Variants in HOOK3 observed in about 807,000 individuals in gnomAD.
HOOK3 encodes hook microtubule tethering protein 3.
Under a neutral mutation model 116.3 loss-of-function variants are expected in HOOK3, and 24 were observed. The ratio of observed to expected loss-of-function variants is 0.21; its 90% CI spans 0.15 to 0.29. The LOEUF is 0.29. Among genes scored for constraint, HOOK3 ranks in the 10% least tolerant of loss-of-function variants. The pLI is 1.00. For synonymous variants in HOOK3, 275 were observed against 283.0 expected (o/e 0.97, Z 0.28); for missense variants, 632 against 830.2 (o/e 0.76, Z 2.93).
At position 43,005,839 on chromosome 8, in the gene HOOK3, GC is replaced by G. The variant is rs544869436; in HGVS notation, c.1656-1999del. On this transcript the variant is annotated intron_variant, in intron 17 of 21. Transcript: ENST00000307602. Reference sequence around the variant, plus strand: ...GCCTCCCAAGTAGCTGGGATTACAGGCCCCCCCCCACCACACCCAGCTCATT... The same window carrying G: ...GCCTCCCAAGTAGCTGGGATTACAGGCCCCCCCCACCACACCCAGCTCATT... Among the ~76,000 whole-genome samples the G allele has an allele frequency of 2.9e-4, 42 of 147,152 alleles. 1 individual carries two copies. Among genetic ancestry groups the G allele is most frequent in the Admixed American group, 1.8e-3 (26 of 14,568 alleles).
At chr8:43,010,218 TGTG>T (rs1196445194) in intron 18 of HOOK3, 84 bp from the exon 19 acceptor site, 1 of 242,958 alleles carries the variant, frequency 4.1e-6, no homozygotes, top group Non-Finnish European at 7.6e-6. Flanking sequence ...TTTTTAAAAT[TGTG>T]GTAATCTAAA....
At chr8:42,898,800 CG>C (rs1332417594) in intron 1 of HOOK3, among the ~76,000 whole-genome samples, 1 of 152,094 alleles carries the variant, frequency 6.6e-6, no homozygotes, top group Non-Finnish European at 1.5e-5. Flanking sequence ...TTGAAAATAC[CG>C]TAAGTTGAAA....
In HOOK3 at chr8:43,026,574, A is replaced by G. The variant is rs1809936800; in HGVS notation, c.*8076A>G. ...CAAACGCAAACACCCTTGAAACTTG[A>G]TGCTTTCTGAAGTTGTATTCATAAA... On this transcript the variant is annotated 3_prime_UTR_variant, in exon 22 of 22. Coordinates refer to ENST00000307602, the MANE Select transcript of HOOK3 (RefSeq NM_032410.4). 4.6e-6 allele frequency: 1 copy of G among 216,630 alleles called. No individual in the cohort carries two copies. The highest frequency in any genetic ancestry group is 9.3e-6 in the Non-Finnish European group (1 of 107,656). The allele number at this position is 216,630 out of a possible 1,614,324, so 13.4% of individuals were successfully genotyped here.
chr8:42,904,177 G>T (rs1374210731), intron 1 of HOOK3, among the ~76,000 whole-genome samples: 1 of 152,068 alleles, frequency 6.6e-6, no homozygotes. Flanking sequence ...GGTCACCTGA[G>T]TGTTATTCCC....
At chr8:42,902,805 C>T (rs1167680010) in intron 1 of HOOK3, among the ~76,000 whole-genome samples, 1 of 152,166 alleles carries the variant, frequency 6.6e-6, no homozygotes, top group Non-Finnish European at 1.5e-5. Context: ...TTAGAATTAG[C>T]TCCTTTCATT....
intron 4 of HOOK3, among the ~76,000 whole-genome samples, chr8:42,931,425 C>CTTTTTTTTTTT (rs764965780): frequency 4.0e-5 from 4 of 100,582 alleles, no homozygotes; most frequent in Non-Finnish European, 5.5e-5. Flanking sequence ...CTTCTCTTCT[C>CTTTTTTTTTTT]TTTTTTTTTT....
At chr8:42,949,097 A>T (rs926344211) in intron 5 of HOOK3, among the ~76,000 whole-genome samples, 1 of 152,224 alleles carries the variant, frequency 6.6e-6, no homozygotes, top group Non-Finnish European at 1.5e-5. Context: ...CTCTTGTCAA[A>T]AGAGTACTTT....
chr8:43,016,677 T>A (rs1385625701), intron 21 of HOOK3, among the ~76,000 whole-genome samples: 1 of 152,174 alleles, frequency 6.6e-6, no homozygotes, highest in African/African-American at 2.4e-5. Flanking sequence ...AGTGGAAAAA[T>A]GAGAATATTT....
At position 43,022,502 on chromosome 8, in the gene HOOK3, C is replaced by T. The variant is rs1470752299; in HGVS notation, c.*4004C>T. The T allele has an allele frequency of 1.6e-5, 3 of 193,146 alleles. No homozygotes were observed. The highest frequency in any genetic ancestry group is 3.2e-5 in the Non-Finnish European group (3 of 92,656). 12.0% of individuals were successfully genotyped at this position (193,146 alleles called of 1,614,324 possible). A position where few individuals can be genotyped will look rare whatever the true frequency, so the allele number is the denominator to read the frequency against. On this transcript the variant is annotated 3_prime_UTR_variant, in exon 22 of 22. Coordinates refer to ENST00000307602, the MANE Select transcript of HOOK3 (RefSeq NM_032410.4). ...GATCATTTTCTGTTTTCCTTCTAAC[C>T]AGGGTGAGAAAATACAAAGTAAAGA...
intron 15 of HOOK3, 58 bp from the exon 16 acceptor site, chr8:42,997,492 G>C: frequency 9.9e-7 from 1 of 1,005,658 alleles, no homozygotes; most frequent in Non-Finnish European, 1.5e-6. Context: ...TGACAACCTA[G>C]GGAAAAAAGG....
chr8:43,027,330 A>C lies in HOOK3; in HGVS notation c.*8832A>C, dbSNP rs1809950142. The C allele has an allele frequency of 1.0e-5, 3 of 287,850 alleles. No individual in the cohort carries two copies. The highest frequency in any genetic ancestry group is 2.1e-5 in the Non-Finnish European group (3 of 144,132). 17.8% of individuals were successfully genotyped at this position (287,850 alleles called of 1,614,324 possible). A position where few individuals can be genotyped will look rare whatever the true frequency, so the allele number is the denominator to read the frequency against. On this transcript the variant is annotated 3_prime_UTR_variant, in exon 22 of 22. Coordinates refer to ENST00000307602, the MANE Select transcript of HOOK3 (RefSeq NM_032410.4). ...TCAAATCATAGTTCAAAAATACTGA[A>C]ATACTTGTTTATTATGTTACATAAA...
chr8:42,970,715 C>A (rs1808711125), intron 11 of HOOK3, among the ~76,000 whole-genome samples: 1 of 150,032 alleles, frequency 6.7e-6, no homozygotes, highest in Non-Finnish European at 1.5e-5. Context: ...TCTCATATTA[C>A]TTCTGATAAT....
At chr8:43,013,259 G>T (rs535801764) in intron 20 of HOOK3, 70 bp from the exon 21 acceptor site, 9 of 1,395,726 alleles carry the variant, frequency 6.4e-6, no homozygotes, top group African/African-American at 1.5e-5. Context: ...ACAATTAATT[G>T]TAAGTATTTT....
chr8:42,964,358 G>C lies in HOOK3; in HGVS notation c.663G>C (p.Gln221His), dbSNP rs753128398. 4.3e-6 allele frequency: 7 copies of C among 1,613,998 alleles called. No homozygotes were observed. Among genetic ancestry groups the C allele is most frequent in the Non-Finnish European group, 5.9e-6 (7 of 1,180,002 alleles). Residue 221 changes from glutamine (Q) to histidine (H), a missense_variant, in exon 9 of 22, where the codon CAG becomes CAC. By Grantham distance (24) the Gln-to-His change is conservative. Around this residue, in one of 3 missense-constraint regions of HOOK3, gnomAD observed 483 missense variants for 648.1 expected, o/e 0.75. Coordinates refer to ENST00000307602, the MANE Select transcript of HOOK3 (RefSeq NM_032410.4). ...EEKSSLLAEN[Q>H]VLMERLNQSD... ...AAAGTAGTTTGTTGGCAGAGAATCAGGTATTAATGGAAAGACTCAATCAAT... is the reference window on the plus strand; with the variant it reads ...AAAGTAGTTTGTTGGCAGAGAATCACGTATTAATGGAAAGACTCAATCAAT...
intron 16 of HOOK3, 186 bp downstream of exon 16, chr8:42,997,823 C>T (rs1482519437): frequency 8.0e-6 from 4 of 502,498 alleles, no homozygotes; most frequent in East Asian, 3.9e-5. Flanking sequence ...ATTGTCTCTT[C>T]AGATTCGCTC....
At chr8:42,935,269 C>A (rs1807945882) in intron 4 of HOOK3, among the ~76,000 whole-genome samples, 1 of 151,192 alleles carries the variant, frequency 6.6e-6, no homozygotes, top group South Asian at 2.1e-4. Context: ...TGTTTAAGTT[C>A]CTTGTGGATT....
chr8:42,944,746 G>A (rs1334934411), intron 5 of HOOK3, among the ~76,000 whole-genome samples: 1 of 152,184 alleles, frequency 6.6e-6, no homozygotes, highest in African/African-American at 2.4e-5. Flanking sequence ...TTGAACCTGG[G>A]AGGCGGAGGT....
intron 4 of HOOK3, among the ~76,000 whole-genome samples, chr8:42,938,917 T>TCG (rs2130377058): frequency 6.6e-6 from 1 of 152,164 alleles, no homozygotes; most frequent in East Asian, 1.9e-4. Context: ...TGGTGATGAC[T>TCG]CTTAACGAGC....
At chr8:42,958,544 G>A (rs1808476464) in intron 7 of HOOK3, among the ~76,000 whole-genome samples, 1 of 150,570 alleles carries the variant, frequency 6.6e-6, no homozygotes, top group African/African-American at 2.4e-5. Context: ...TTAATCTCAG[G>A]AGATGCAAAA....
Sources: allele counts gnomAD v4.1 joint callset (sites outside exome capture counted in the v4.1 genomes callset), GRCh38; gene constraint gnomAD v4.1.1; regional missense constraint gnomAD v4.1.1; transcripts MANE v1.5; gene names NCBI Gene and HGNC (gene_info 2026-07-23, HGNC 2026-07-21).